The following RBM19 variants were observed in gnomAD, a reference collection of about 807,000 sequenced individuals.
RBM19 encodes the protein probable RNA-binding protein 19.
In RBM19, 94 loss-of-function variants were observed where a neutral mutation model predicts 116.8. The observed-to-expected ratio is 0.80, with a 90% CI of 0.68 to 0.95. RBM19 has a LOEUF of 0.95. Among genes scored for constraint, RBM19 ranks in the 40% least tolerant of loss-of-function variants. The pLI is 0.00. For synonymous variants in RBM19, 475 were observed against 494.1 expected (o/e 0.96, Z 0.51); for missense variants, 1,161 against 1,220.7 (o/e 0.95, Z 0.73).
At chr12:113,889,316 C>T (rs1331013042) in intron 21 of RBM19, among the ~76,000 whole-genome samples, 1 of 152,224 alleles carries the variant, frequency 6.6e-6, no homozygotes, top group Admixed American at 6.5e-5. Flanking sequence ...GGGAAAGGCA[C>T]ATCCCGAGCT....
chr12:113,858,895 T>C lies in RBM19; in HGVS notation c.2560A>G (p.Thr854Ala), dbSNP rs1044169876. The C allele has an allele frequency of 2.9e-5, 47 of 1,614,090 alleles. No homozygotes were observed. The Middle Eastern group carries it at 9.9e-4, about 34-fold the overall frequency. ...CGGACCGTCTTCAACTCCCCAAAGG[T>C]GCTAGAAACAAAAGGCAAGACATAG... Reference protein sequence around the residue: ...HSREIRELFSTFGELKTVRLP... With the variant: ...HSREIRELFSAFGELKTVRLP... Residue 854 changes from threonine to alanine, a missense_variant and splice_region_variant, in exon 22 of 24, where the codon ACC becomes GCC. Physicochemically the swap from Thr to Ala is moderately conservative, Grantham distance 58. Transcript: ENST00000261741.
chr12:113,836,994 TACACACACACAC>T lies in RBM19; in HGVS notation c.2785+7662_2785+7673del, dbSNP rs55991489. 1.7e-3 allele frequency among the ~76,000 whole-genome samples: 97 copies of T among 56,258 alleles called. 2 individuals are homozygous for T. The highest frequency in any genetic ancestry group is 4.3e-3 in the South Asian group (5 of 1,168). The allele number at this position is 56,258 out of a possible 152,430, so 36.9% of individuals were successfully genotyped here. A position where few individuals can be genotyped will look rare whatever the true frequency, so the allele number is the denominator to read the frequency against. ...CATACCTGTCCTCCTACTTACTACA[TACACACACACAC>T]ACACACACACACACACACACACACA... is the stretch of plus-strand genomic sequence containing the variant. On this transcript the variant is annotated intron_variant, in intron 23 of 23. Coordinates refer to ENST00000261741, the MANE Select transcript of RBM19 (RefSeq NM_016196.4).
rs568147769 is a variant in RBM19 at position 113,942,371 on chromosome 12, G to A, written c.1690C>T (p.Arg564Trp). 22 of 1,609,176 alleles carry A rather than the reference G, an allele frequency of 1.4e-5. No homozygotes were observed. Among genetic ancestry groups the A allele is most frequent in the African/African-American group, 1.2e-4 (9 of 74,850 alleles). Residue 564 changes from arginine (R) to tryptophan (W), a missense_variant, in exon 14 of 24, where the codon CGG becomes TGG. Arg to Trp is a moderately radical substitution (Grantham distance 101). Coordinates refer to ENST00000261741, the MANE Select transcript of RBM19 (RefSeq NM_016196.4). ...LGETQLVQEV[R>W]RFLIDNGVSL... ...ACCCCGTTGTCTATGAGAAAACGCC[G>A]CACTTCCTGGACGAGCTGGGTTTCC...
intron 12 of RBM19, 96 bp from the exon 13 acceptor site, chr12:113,946,020 C>T (rs1870988562): frequency 1.7e-6 from 2 of 1,159,394 alleles, no homozygotes; most frequent in African/African-American, 1.5e-5. Context: ...GCTCCTAGGC[C>T]TGCCTATCTA....
rs562552902 is a variant in RBM19 at position 113,869,880 on chromosome 12, T to C, written c.2559-10984A>G. Among the ~76,000 whole-genome samples the C allele has an allele frequency of 7.2e-5, 11 of 152,342 alleles. No individual in the cohort carries two copies. The South Asian group carries it at 2.3e-3, about 32-fold the overall frequency. On this transcript the variant is annotated intron_variant, in intron 21 of 23. Transcript: ENST00000261741. ...GAAGAGAATCCAGGAAGTCACCAGC[T>C]GTGGTGAACATTGTGCCTAACTTGA...
chr12:113,855,913 G>C (rs1334343395), intron 22 of RBM19, among the ~76,000 whole-genome samples: 1 of 152,244 alleles, frequency 6.6e-6, no homozygotes, highest in East Asian at 1.9e-4. Context: ...AAGTTCTCCA[G>C]ACAGACCTGG....
intron 21 of RBM19, among the ~76,000 whole-genome samples, chr12:113,886,279 T>C (rs1880510576): frequency 6.6e-6 from 1 of 152,132 alleles, no homozygotes; most frequent in African/African-American, 2.4e-5. Context: ...ACTACAGGCA[T>C]GCACCACCAT....
intron 11 of RBM19, among the ~76,000 whole-genome samples, chr12:113,946,900 C>A (rs1349054358): frequency 6.6e-6 from 1 of 152,156 alleles, no homozygotes; most frequent in Non-Finnish European, 1.5e-5. Flanking sequence ...GATGAGGCAG[C>A]CTGGGGCTTG....
chr12:113,835,352 G>T (rs928037001), intron 23 of RBM19, among the ~76,000 whole-genome samples: 1 of 152,178 alleles, frequency 6.6e-6, no homozygotes, highest in Non-Finnish European at 1.5e-5. Flanking sequence ...TGGTCAAAGG[G>T]CCTTGTACCC....
intron 16 of RBM19, among the ~76,000 whole-genome samples, chr12:113,928,139 C>T (rs926030029): frequency 2.0e-5 from 3 of 152,120 alleles, no homozygotes; most frequent in African/African-American, 7.2e-5. Flanking sequence ...GAGTTCAAGA[C>T]TAGCCTGGCC....
intron 16 of RBM19, among the ~76,000 whole-genome samples, chr12:113,928,417 T>TACACACACACACACACACAC (rs3066401): frequency 2.9e-5 from 4 of 136,344 alleles, no homozygotes; most frequent in African/African-American, 5.3e-5. Context: ...TACATGTGCA[T>TACACACACACACACACACAC]ACACACACAC....
intron 21 of RBM19, among the ~76,000 whole-genome samples, chr12:113,869,667 C>T (rs535534455): frequency 4.3e-4 from 65 of 152,094 alleles, no homozygotes; most frequent in African/African-American, 1.5e-3. Flanking sequence ...CCTTTGGTGT[C>T]GTTATCCTCA....
chr12:113,840,631 G>A (rs1030475970), intron 23 of RBM19, among the ~76,000 whole-genome samples: 1 of 152,218 alleles, frequency 6.6e-6, no homozygotes, highest in South Asian at 2.1e-4. Flanking sequence ...ATGGGAGGCC[G>A]TGGCCGGAGA....
At chr12:113,824,578 A>AG (rs1874696787) in intron 23 of RBM19, among the ~76,000 whole-genome samples, 1 of 152,038 alleles carries the variant, frequency 6.6e-6, no homozygotes, top group African/African-American at 2.4e-5. Context: ...AACCACCCTG[A>AG]GGCCCTTTAC....
At chr12:113,900,655 C>T (rs534401136) in intron 21 of RBM19, among the ~76,000 whole-genome samples, 49 of 152,262 alleles carry the variant, frequency 3.2e-4, no homozygotes, top group Non-Finnish European at 3.8e-4. Flanking sequence ...ATCACACTGG[C>T]GCCTTTCCAA....
chr12:113,851,658 T>C (rs1016331804), intron 22 of RBM19, among the ~76,000 whole-genome samples: 2 of 152,080 alleles, frequency 1.3e-5, no homozygotes, highest in Non-Finnish European at 2.9e-5. Flanking sequence ...ACAGCAACTC[T>C]TCCTTTAGCC....
rs1351561155 is a variant in RBM19, at chr12:113,827,480, G to GGCAGGCAGGGAGAAAGGC, written c.2786-4177_2786-4160dup. Among the ~76,000 whole-genome samples, 146 of 149,436 alleles carry GGCAGGCAGGGAGAAAGGC rather than the reference G, an allele frequency of 9.8e-4. 1 individual carries two copies. The highest frequency in any genetic ancestry group is 9.8e-3 in the East Asian group (49 of 5,016). On this transcript the variant is annotated intron_variant, in intron 23 of 23. Coordinates refer to ENST00000261741, the MANE Select transcript of RBM19 (RefSeq NM_016196.4). ...CTGTCGGCCCTGCATGGGAGGCGCA[G>GGCAGGCAGGGAGAAAGGC]GCAGGCAGGGAGAAAGGCGCAGGCA...
chr12:113,927,282 A>T (rs1869173293), intron 16 of RBM19, 53 bp from the exon 17 acceptor site: 6 of 1,524,992 alleles, frequency 3.9e-6, no homozygotes, highest in Non-Finnish European at 5.3e-6. Flanking sequence ...TCCATGAAAT[A>T]ATGTCAAACC....
chr12:113,944,117 T>TTTGG (rs374683065), intron 13 of RBM19, among the ~76,000 whole-genome samples: 1 of 102,600 alleles, frequency 9.7e-6, no homozygotes. Context: ...TTTTTTTTTT[T>TTTGG]GGGGCAGACT....
Sources: allele counts gnomAD v4.1 joint callset (sites outside exome capture counted in the v4.1 genomes callset), GRCh38; gene constraint gnomAD v4.1.1; transcripts MANE v1.5; gene names NCBI Gene and HGNC (gene_info 2026-07-23, HGNC 2026-07-21).